The following PAX5 variants were observed in gnomAD, a reference collection of about 807,000 sequenced individuals.
The protein encoded by PAX5 is paired box 5, also known as paired box protein Pax-5.
PAX5 carries 9 observed loss-of-function variants against 43.7 expected under a neutral mutation model. That is an observed-to-expected ratio of 0.21 (90% CI 0.12 to 0.36). PAX5 has a LOEUF of 0.36. Among genes scored for constraint, PAX5 ranks in the 10% least tolerant of loss-of-function variants. The pLI is 1.00. For missense variants in PAX5, 383 were observed against 532.7 expected, an observed-to-expected ratio of 0.72 and a Z score of 2.77; for synonymous variants, 228 against 214.3, an observed-to-expected ratio of 1.06 and a Z score of -0.56.
chr9:36,974,882 G>C (rs190602800), intron 5 of PAX5, among the ~76,000 whole-genome samples: 3 of 151,958 alleles, frequency 2.0e-5, no homozygotes, highest in Admixed American at 1.3e-4. Context: ...ACTTCACCCC[G>C]CAATGCCATC....
In PAX5 at chr9:36,898,781, G is replaced by C. The variant is rs1828108094; in HGVS notation, c.911-16676C>G. ...GGGGCATAATGAGGGCACCCAGCAG[G>C]CTCTGGGGGCGGCCCTGGGCAAGAA... On this transcript the variant is annotated intron_variant, in intron 7 of 9. Coordinates refer to ENST00000358127, the MANE Select transcript of PAX5 (RefSeq NM_016734.3). 2.0e-5 allele frequency among the ~76,000 whole-genome samples: 3 copies of C among 152,120 alleles called. No individual in the cohort carries two copies. In the South Asian group the frequency reaches 6.2e-4, roughly 32 times the overall value.
chr9:36,991,045 G>A (rs1036624521), intron 5 of PAX5, among the ~76,000 whole-genome samples: 2 of 151,352 alleles, frequency 1.3e-5, no homozygotes, highest in African/African-American at 4.9e-5. Context: ...GGAGGCAGAG[G>A]TTGCAGTGAG....
At chr9:36,849,608 G>T (rs1301655689) in intron 8 of PAX5, among the ~76,000 whole-genome samples, 1 of 152,218 alleles carries the variant, frequency 6.6e-6, no homozygotes, top group Non-Finnish European at 1.5e-5. Context: ...CACGGCCTCC[G>T]TTATTAGCAC....
At chr9:36,908,993 T>C (rs952797946) in intron 7 of PAX5, among the ~76,000 whole-genome samples, 1 of 152,224 alleles carries the variant, frequency 6.6e-6, no homozygotes, top group African/African-American at 2.4e-5. Context: ...AAGCAAATCA[T>C]ATTTTTCTTC....
At chr9:36,922,944 C>A in intron 7 of PAX5, 1 of 175,058 alleles carries the variant, frequency 5.7e-6, no homozygotes, top group African/African-American at 2.4e-5. Context: ...CTTCTTGACT[C>A]AGATTCTGCC....
At chr9:37,022,660 T>C (rs1007187428) in intron 1 of PAX5, among the ~76,000 whole-genome samples, 6 of 152,168 alleles carry the variant, frequency 3.9e-5, no homozygotes, top group Non-Finnish European at 8.8e-5. Context: ...GGACTTAAAT[T>C]CCAAAAGCAG....
intron 8 of PAX5, among the ~76,000 whole-genome samples, chr9:36,865,415 G>C (rs1432908045): frequency 1.3e-5 from 2 of 152,210 alleles, no homozygotes; most frequent in African/African-American, 2.4e-5. Flanking sequence ...CCTAGGTCTT[G>C]AGAAATTCAT....
intron 6 of PAX5, among the ~76,000 whole-genome samples, chr9:36,960,928 C>T (rs1833921122): frequency 2.0e-5 from 3 of 152,240 alleles, no homozygotes; most frequent in Non-Finnish European, 2.9e-5. Flanking sequence ...TTCTGCCCTT[C>T]CCTCAAGGCA....
At chr9:36,851,969 G>A (rs939535152) in intron 8 of PAX5, among the ~76,000 whole-genome samples, 7 of 152,228 alleles carry the variant, frequency 4.6e-5, no homozygotes, top group African/African-American at 1.2e-4. Context: ...ACAGACCCAA[G>A]CTCCAGGCCG....
intron 8 of PAX5, among the ~76,000 whole-genome samples, chr9:36,863,807 G>GC (rs2131663979): frequency 6.6e-6 from 1 of 150,796 alleles, no homozygotes; most frequent in East Asian, 2.0e-4. Context: ...TGCAGGACTG[G>GC]CATATAGAAG....
chr9:36,923,073 G>T (rs1462763623), intron 7 of PAX5: 2 of 375,828 alleles, frequency 5.3e-6, no homozygotes, highest in Non-Finnish European at 9.6e-6. Flanking sequence ...ACCCACGGGG[G>T]CCCCTCTGGC....
At chr9:36,921,525 A>T (rs1011471998) in intron 7 of PAX5, among the ~76,000 whole-genome samples, 7 of 152,154 alleles carry the variant, frequency 4.6e-5, no homozygotes, top group African/African-American at 1.7e-4. Context: ...TGTGATCTTG[A>T]CAAGCCACTC....
intron 6 of PAX5, among the ~76,000 whole-genome samples, chr9:36,924,752 GA>G (rs1830472426): frequency 1.1e-5 from 1 of 87,016 alleles, no homozygotes; most frequent in African/African-American, 4.6e-5. Flanking sequence ...AGGAAGGAAG[GA>G]AGGAAGGAAG....
At chr9:36,949,251 G>A (rs1012320902) in intron 6 of PAX5, among the ~76,000 whole-genome samples, 4 of 151,910 alleles carry the variant, frequency 2.6e-5, no homozygotes, top group Admixed American at 6.6e-5. Context: ...TAGTAGAGAC[G>A]GGGTTTCACC....
rs114710541 is a variant in PAX5, at chr9:36,945,098, G to A, written c.780+21451C>T. Among the ~76,000 whole-genome samples, 311 of 152,282 alleles carry A rather than the reference G, an allele frequency of 2.0e-3. 1 individual carries two copies. The highest frequency in any genetic ancestry group is 7.4e-3 in the African/African-American group (306 of 41,556). On this transcript the variant is annotated intron_variant, in intron 6 of 9. Coordinates refer to ENST00000358127, the MANE Select transcript of PAX5 (RefSeq NM_016734.3). ...TCCAACGCACAGATCTATAGATGACGGAGACGCCAAAGTTCCTCTCTGTAT... is the reference window on the plus strand; with the variant it reads ...TCCAACGCACAGATCTATAGATGACAGAGACGCCAAAGTTCCTCTCTGTAT...
chr9:36,930,995 A>G lies in PAX5; in HGVS notation c.781-7511T>C. ...AACACAGACACGTGAGAAGGAGGGC[A>G]GCACAAAAGAGGGCAGCGCATGGGG... On this transcript the variant is annotated intron_variant, in intron 6 of 9. Transcript: ENST00000358127. The G allele has an allele frequency of 5.6e-6, 3 of 538,778 alleles. 1 individual carries two copies. Among genetic ancestry groups the G allele is most frequent in the South Asian group, 4.5e-5 (3 of 66,020 alleles). The allele number at this position is 538,778 out of a possible 1,614,324, so 33.4% of individuals were successfully genotyped here.
At position 36,837,824 on chromosome 9, in the gene PAX5, GA is replaced by G; in HGVS notation, c.*2735del. The G allele has an allele frequency of 4.3e-6, 1 of 233,514 alleles. No individual in the cohort carries two copies. Among genetic ancestry groups the G allele is most frequent in the Non-Finnish European group, 8.5e-6 (1 of 118,164 alleles). 14.5% of individuals were successfully genotyped at this position (233,514 alleles called of 1,614,324 possible). The stretch of plus-strand genomic sequence containing the variant: ...GGCAAGAAGAGGAACAGGATGGGGA[GA>G]GGGGGCCGCTGTGAGCCAGGTGGGC... On this transcript the variant is annotated 3_prime_UTR_variant, in exon 10 of 10. Transcript: ENST00000358127.
In PAX5 at chr9:36,834,703, A is replaced by G; in HGVS notation, c.*5857T>C. On this transcript the variant is annotated 3_prime_UTR_variant, in exon 10 of 10. Transcript: ENST00000358127. ...TTCCTTTCTGTTCCACTCCAAGGGA[A>G]ATGCGCCGTTTGTAAATCAAAAATC... The G allele has an allele frequency of 4.3e-6, 1 of 233,298 alleles. No homozygotes were observed. Among genetic ancestry groups the G allele is most frequent in the East Asian group, 6.0e-5 (1 of 16,596 alleles). The allele number at this position is 233,298 out of a possible 1,614,324, so 14.5% of individuals were successfully genotyped here. A position where few individuals can be genotyped will look rare whatever the true frequency, so the allele number is the denominator to read the frequency against.
At position 36,882,259 on chromosome 9, in the gene PAX5, AAC is replaced by A. The variant is rs956393793; in HGVS notation, c.911-156_911-155del. 7.4e-6 allele frequency among the ~76,000 whole-genome samples: 1 copy of A among 134,964 alleles called. No individual in the cohort carries two copies. The highest frequency in any genetic ancestry group is 3.1e-5 in the African/African-American group (1 of 31,748). The allele number at this position is 134,964 out of a possible 152,430, so 88.5% of individuals were successfully genotyped here. On this transcript the variant is annotated intron_variant, in intron 7 of 9. Coordinates refer to ENST00000358127, the MANE Select transcript of PAX5 (RefSeq NM_016734.3). The surrounding 1 kb of genome is among the most constrained non-coding windows in gnomAD (Gnocchi z 4.4). Reference sequence around the variant, plus strand: ...CCCCTGTCGCTCACACGCTCTCACAAACACACATACACACACACACACACACA... The same window carrying A: ...CCCCTGTCGCTCACACGCTCTCACAAACACATACACACACACACACACACA...
Sources: gnomAD v4.1 joint callset for allele counts (sites outside exome capture counted in the v4.1 genomes callset) on GRCh38, gnomAD v4.1.1 for gene constraint, Gnocchi (gnomAD v3.1) non-coding constraint, MANE v1.5 for transcripts, NCBI Gene and HGNC (gene_info 2026-07-23, HGNC 2026-07-21) for gene names.